ARHGAP24: variants seen among roughly 807,000 people sequenced by gnomAD.
ARHGAP24 encodes Rho GTPase activating protein 24.
ARHGAP24 carries 50 observed loss-of-function variants against 76.4 expected under a neutral mutation model. That is an observed-to-expected ratio of 0.65 (90% CI 0.52 to 0.83). The LOEUF is 0.83. Among genes scored for constraint, ARHGAP24 ranks in the 40% least tolerant of loss-of-function variants. The probability of loss-of-function intolerance (pLI) is 0.00; values close to 1 mark genes in which losing one functional copy is unlikely to be tolerated. For missense variants in ARHGAP24, 930 were observed against 914.2 expected, an observed-to-expected ratio of 1.02 and a Z score of -0.22; for synonymous variants, 345 against 323.3, an observed-to-expected ratio of 1.07 and a Z score of -0.72.
chr4:85,622,920 C>A (rs1490935666), intron 2 of ARHGAP24, among the ~76,000 whole-genome samples: 2 of 151,914 alleles, frequency 1.3e-5, no homozygotes, highest in Non-Finnish European at 2.9e-5. Flanking sequence ...TGTTCATATC[C>A]TTTGCCCACT....
chr4:85,694,034 T>C (rs983087363), intron 2 of ARHGAP24, among the ~76,000 whole-genome samples: 1 of 152,194 alleles, frequency 6.6e-6, no homozygotes, highest in Non-Finnish European at 1.5e-5. Context: ...GGCCAGGAAC[T>C]AGCCCTAGCA....
chr4:85,658,588 G>A (rs996532617), intron 2 of ARHGAP24, among the ~76,000 whole-genome samples: 1 of 152,186 alleles, frequency 6.6e-6, no homozygotes, highest in African/African-American at 2.4e-5. Context: ...TCATCTGAAT[G>A]TAAAAGTATC....
intron 8 of ARHGAP24, 141 bp from the exon 9 acceptor site, chr4:85,994,442 A>C: frequency 1.2e-6 from 1 of 863,476 alleles, no homozygotes; most frequent in Non-Finnish European, 1.9e-6. Flanking sequence ...TTCTATTGCT[A>C]TTATCATAGT....
At chr4:85,541,886 A>G (rs1189657314) in intron 1 of ARHGAP24, among the ~76,000 whole-genome samples, 5 of 151,998 alleles carry the variant, frequency 3.3e-5, no homozygotes, top group Non-Finnish European at 7.3e-5. Context: ...ATAGTGTGGA[A>G]GGCCTGACCT....
chr4:85,579,318 A>T (rs1220550501), intron 2 of ARHGAP24, among the ~76,000 whole-genome samples: 1 of 152,178 alleles, frequency 6.6e-6, no homozygotes, highest in Non-Finnish European at 1.5e-5. Context: ...AACTCAGGAA[A>T]ATTTCCATTA....
chr4:85,800,568 G>T (rs760230922), intron 3 of ARHGAP24, among the ~76,000 whole-genome samples: 1 of 151,726 alleles, frequency 6.6e-6, no homozygotes, highest in Non-Finnish European at 1.5e-5. Flanking sequence ...AGAAAAGGGA[G>T]AGAAGGAAAG....
intron 2 of ARHGAP24, among the ~76,000 whole-genome samples, chr4:85,683,117 T>TGGGGGG (rs201448168): frequency 1.8e-5 from 1 of 56,942 alleles, no homozygotes; most frequent in Non-Finnish European, 3.5e-5. Context: ...TGTGGGGGGG[T>TGGGGGG]GGGGGGGGGG....
intron 3 of ARHGAP24, among the ~76,000 whole-genome samples, chr4:85,803,436 G>C (rs1728659098): frequency 6.6e-6 from 1 of 152,242 alleles, no homozygotes; most frequent in Non-Finnish European, 1.5e-5. Flanking sequence ...TTACTGGAAT[G>C]AAGAGGAAGA....
intron 3 of ARHGAP24, among the ~76,000 whole-genome samples, chr4:85,725,348 A>G (rs561417636): frequency 1.3e-5 from 2 of 150,190 alleles, no homozygotes; most frequent in Admixed American, 6.6e-5. Context: ...GAAGAATCTC[A>G]GTCATATGAA....
At chr4:85,731,741 G>A (rs886463255) in intron 3 of ARHGAP24, among the ~76,000 whole-genome samples, 1 of 152,260 alleles carries the variant, frequency 6.6e-6, no homozygotes, top group Non-Finnish European at 1.5e-5. Context: ...GCTAGATGGA[G>A]GATATTGAAT....
intron 1 of ARHGAP24, among the ~76,000 whole-genome samples, chr4:85,557,365 C>T (rs13139321): frequency 0.25 from 38,778 of 152,136 alleles, 6,353 homozygotes; most frequent in East Asian, 0.79. Flanking sequence ...CCCAGGACTC[C>T]ATGTGTGCTT....
rs554497543 is a variant in ARHGAP24, at chr4:86,002,653, AAATACTACTCCC to A, written c.*1933_*1944del. The A allele has an allele frequency of 4.1e-4, 63 of 152,184 alleles. No homozygotes were observed. Among genetic ancestry groups the A allele is most frequent in the African/African-American group, 1.4e-3 (58 of 41,530 alleles). 9.4% of individuals were successfully genotyped at this position (152,184 alleles called of 1,614,324 possible). A position where few individuals can be genotyped will look rare whatever the true frequency, so the allele number is the denominator to read the frequency against. On this transcript the variant is annotated 3_prime_UTR_variant, in exon 10 of 10. Transcript: ENST00000395184. ...TTCCTCTGTGCAATTGGAATAATAA[AAATACTACTCCC>A]ATAGAGTTGTTATGTGGTCTTAATG...
chr4:85,477,759 G>T (rs999035440), intron 1 of ARHGAP24, among the ~76,000 whole-genome samples: 2 of 152,170 alleles, frequency 1.3e-5, no homozygotes, highest in African/African-American at 4.8e-5. Flanking sequence ...GCCCATTGAC[G>T]AGTGTTTTCT....
intron 3 of ARHGAP24, among the ~76,000 whole-genome samples, chr4:85,846,532 A>T (rs551456023): frequency 6.6e-6 from 1 of 152,332 alleles, no homozygotes; most frequent in South Asian, 2.1e-4. Context: ...TGTTCTTCTG[A>T]AGTCAACACT....
At chr4:85,736,277 C>T (rs562894360) in intron 3 of ARHGAP24, among the ~76,000 whole-genome samples, 2 of 152,288 alleles carry the variant, frequency 1.3e-5, no homozygotes, top group African/African-American at 2.4e-5. Context: ...ATGTAAGTTC[C>T]ATGAGAGCTA....
At chr4:85,728,282 T>G (rs2110049563) in intron 3 of ARHGAP24, among the ~76,000 whole-genome samples, 1 of 150,842 alleles carries the variant, frequency 6.6e-6, no homozygotes, top group Admixed American at 6.6e-5. Context: ...TTGCACATAC[T>G]TTTGAGGACT....
At chr4:85,804,227 T>C (rs1428201699) in intron 3 of ARHGAP24, among the ~76,000 whole-genome samples, 1 of 152,142 alleles carries the variant, frequency 6.6e-6, no homozygotes, top group African/African-American at 2.4e-5. Context: ...ATAATGAACA[T>C]TGTGATAAAA....
chr4:85,748,337 A>T (rs1242622522), intron 3 of ARHGAP24, among the ~76,000 whole-genome samples: 1 of 152,236 alleles, frequency 6.6e-6, no homozygotes, highest in Admixed American at 6.5e-5. Context: ...TTTCTCATAC[A>T]TATGCCATGC....
chr4:85,997,369 GAT>G (rs1283793979), intron 9 of ARHGAP24, among the ~76,000 whole-genome samples: 51 of 95,178 alleles, frequency 5.4e-4, no homozygotes, highest in Admixed American at 9.8e-4. Flanking sequence ...ATAGATGATA[GAT>G]ATAGATAGAT....
Sources: allele counts gnomAD v4.1 joint callset (sites outside exome capture counted in the v4.1 genomes callset), GRCh38; gene constraint gnomAD v4.1.1; transcripts MANE v1.5; gene names NCBI Gene and HGNC (gene_info 2026-07-23, HGNC 2026-07-21).